The following ZNF404 variants were observed in gnomAD, a reference collection of about 807,000 sequenced individuals.
ZNF404 encodes the protein zinc finger protein 404.
Under a neutral mutation model 7.3 loss-of-function variants are expected in ZNF404, and 7 were observed. The observed-to-expected ratio is 0.95, with a 90% CI of 0.54 to 1.79. The LOEUF is 1.79. Among genes scored for constraint, ZNF404 ranks in the 40% most tolerant of loss-of-function variants. The pLI, the probability that ZNF404 is intolerant of heterozygous loss-of-function variation, is 0.00. For missense variants in ZNF404, 560 were observed against 661.5 expected (o/e 0.85, Z 1.68); for synonymous variants, 191 against 209.9 (o/e 0.91, Z 0.78).
rs550351585 is a variant in ZNF404, at chr19:43,883,464, C to T, written c.9+492G>A. ...TCCCTTAGCTAGATCCCTAATCTCT[C>T]TCTAGGTAAGTGATAATCCCATCTT... On this transcript the variant is annotated intron_variant, in intron 1 of 2. Transcript: ENST00000587539. Among the ~76,000 whole-genome samples, 5 of 152,288 alleles carry T rather than the reference C, an allele frequency of 3.3e-5. No individual in the cohort carries two copies. The South Asian group carries it at 1.0e-3, about 32-fold the overall frequency.
At position 43,872,773 on chromosome 19, in the gene ZNF404, C is replaced by G; in HGVS notation, c.1441G>C (p.Gly481Arg). 1 of 1,611,820 alleles carries G rather than the reference C, an allele frequency of 6.2e-7. No individual in the cohort carries two copies. The highest frequency in any genetic ancestry group is 2.2e-5 in the East Asian group (1 of 44,824). Reference protein sequence around the residue: ...ECKKAFRSISGLSQHKRIHTG... With the variant: ...ECKKAFRSISRLSQHKRIHTG... ...TGAATTCTCTTATGTTGAGAAAGAC[C>G]TGAGATAGAACGAAAGGCCTTCTTA... The change falls in exon 3 of 3, where the codon GGT becomes CGT. Residue 481 changes from glycine to arginine, a missense_variant. By Grantham distance (125) the Gly-to-Arg change is moderately radical (BLOSUM62 -2). Coordinates refer to ENST00000587539, the MANE Select transcript of ZNF404 (RefSeq NM_001033719.3). The surrounding 1 kb of genome is among the most constrained non-coding windows in gnomAD (Gnocchi z 4.4).
intron 1 of ZNF404, among the ~76,000 whole-genome samples, chr19:43,880,436 T>C (rs961167285): frequency 3.9e-5 from 6 of 152,150 alleles, no homozygotes; most frequent in African/African-American, 1.2e-4. Context: ...GCACAATACC[T>C]TCTACGTACC....
Position 43,872,581 on chromosome 19 carries a change from G to T in ZNF404, c.1633C>A (p.His545Asn). 1 of 1,606,496 alleles carries T rather than the reference G, an allele frequency of 6.2e-7. No individual in the cohort carries two copies. The highest frequency in any genetic ancestry group is 1.7e-5 in the Admixed American group (1 of 58,824). The change falls in exon 3 of 3, where the codon CAC becomes AAC. Residue 545 changes from histidine to asparagine, a missense_variant. Transcript: ENST00000587539. This position sits in a 1 kb window ranked among gnomAD's most constrained non-coding sequence, Gnocchi z 4.4. ...TACATTAAGAGTCTCTCACCATGGT[G>T]AAATCTTTGATGTTGACTAAGTTGA... ...CYQLSQHQRF[H>N]HGERLLM
intron 2 of ZNF404, among the ~76,000 whole-genome samples, chr19:43,876,703 C>T (rs868200258): frequency 9.2e-5 from 14 of 152,218 alleles, no homozygotes; most frequent in Middle Eastern, 3.4e-3. Context: ...AGAAAAATGA[C>T]GGACATCACC....
intron 1 of ZNF404, among the ~76,000 whole-genome samples, chr19:43,881,099 A>T (rs1029500786): frequency 6.6e-6 from 1 of 152,192 alleles, no homozygotes; most frequent in African/African-American, 2.4e-5. Flanking sequence ...CCAATGAATG[A>T]CATCTATAAA....
chr19:43,882,204 G>A (rs912591863), intron 1 of ZNF404, among the ~76,000 whole-genome samples: 9 of 152,144 alleles, frequency 5.9e-5, no homozygotes, highest in South Asian at 2.1e-4. Context: ...AGACCTACAC[G>A]TATCTAGACA....
intron 1 of ZNF404, among the ~76,000 whole-genome samples, chr19:43,883,208 A>G (rs1449842884): frequency 6.6e-6 from 1 of 152,214 alleles, no homozygotes; most frequent in East Asian, 1.9e-4. Flanking sequence ...AAAGAATTAT[A>G]CTAATATGGC....
At chr19:43,881,398 C>T (rs1971893752) in intron 1 of ZNF404, among the ~76,000 whole-genome samples, 1 of 152,014 alleles carries the variant, frequency 6.6e-6, no homozygotes, top group African/African-American at 2.4e-5. Flanking sequence ...AAGATACAAG[C>T]TCAATATGTT....
At chr19:43,879,138 T>G (rs1971874788) in intron 2 of ZNF404, among the ~76,000 whole-genome samples, 1 of 151,964 alleles carries the variant, frequency 6.6e-6, no homozygotes, top group Admixed American at 6.6e-5. Flanking sequence ...AGAAAACAGA[T>G]GAAAATTTAG....
At chr19:43,880,968 A>G (rs991912986) in intron 1 of ZNF404, among the ~76,000 whole-genome samples, 5 of 152,238 alleles carry the variant, frequency 3.3e-5, no homozygotes, top group African/African-American at 4.8e-5. Flanking sequence ...CACCATATTC[A>G]CAAACTACAA....
intron 1 of ZNF404, among the ~76,000 whole-genome samples, chr19:43,881,932 G>A (rs1971897690): frequency 7.2e-6 from 1 of 138,450 alleles, no homozygotes; most frequent in Admixed American, 7.8e-5. Flanking sequence ...ACTCCAGCCT[G>A]GGCAACAAGA....
rs767101610 is a variant in ZNF404, at chr19:43,873,503, A to G, written c.711T>C (p.His237=). 4.3e-6 allele frequency: 7 copies of G among 1,613,394 alleles called. No individual in the cohort carries two copies. Among genetic ancestry groups the G allele is most frequent in the Admixed American group, 3.3e-5 (2 of 59,968 alleles). Residue 237 remains histidine (H), a synonymous_variant, in exon 3 of 3, where the codon CAT becomes CAC. Transcript: ENST00000587539. ...TACATTCAAAGGGTTTCAAGCCAAC[A>G]TGAATTTTCTGATGTTCTGTAAGGT... ...HSHLTEHQKI[H]VGLKPFECKE...
Position 43,873,631 on chromosome 19 carries a change from C to A in ZNF404, c.583G>T (p.Ala195Ser), listed in dbSNP as rs751796267. The A allele has an allele frequency of 1.2e-6, 2 of 1,613,352 alleles. No individual in the cohort carries two copies. The highest frequency in any genetic ancestry group is 1.3e-5 in the African/African-American group (1 of 74,880). ...ATAAGCTGTGAATAAAACCTAAAGG[C>A]CTTCTCACATCCATTGCATTCATAG... ...KPYECNGCEK[A>S]FRFYSQLIQH... The change falls in exon 3 of 3, where the codon GCC becomes TCC. Residue 195 changes from alanine (A) to serine (S), a missense_variant. Ala to Ser is a moderately conservative substitution (Grantham distance 99). Coordinates refer to ENST00000587539, the MANE Select transcript of ZNF404 (RefSeq NM_001033719.3).
At position 43,873,554 on chromosome 19, in the gene ZNF404, G is replaced by A. The variant is rs79582952; in HGVS notation, c.660C>T (p.Cys220=). The A allele has an allele frequency of 3.7e-4, 597 of 1,613,238 alleles. 7 individuals are homozygous for A. In the African/African-American group the frequency reaches 6.8e-3, roughly 18 times the overall value. The change falls in exon 3 of 3, where the codon TGC becomes TGT. Residue 220 remains cysteine (C), a synonymous_variant. Transcript: ENST00000587539. ...GAGAATGACGTCTAAAAGCCTTCCC[G>A]CATTGCTTACATTCATAGGGTTTCA... The part of the protein sequence containing the change: ...TGMKPYECKQ[C]GKAFRRHSHL...
At chr19:43,877,597 T>G (rs895341645) in intron 2 of ZNF404, among the ~76,000 whole-genome samples, 3 of 151,850 alleles carry the variant, frequency 2.0e-5, no homozygotes, top group Non-Finnish European at 4.4e-5. Flanking sequence ...TTTTTTATTA[T>G]TATACTTTAA....
chr19:43,883,928 C>A (rs764917568), intron 1 of ZNF404, 28 bp downstream of exon 1: 13 of 1,597,802 alleles, frequency 8.1e-6, no homozygotes, highest in South Asian at 1.1e-5. Context: ...CACAATAAGT[C>A]AGAAAAGCAA....
rs771276342 is a variant in ZNF404 at position 43,873,363 on chromosome 19, G to A, written c.851C>T (p.Ser284Leu). The change falls in exon 3 of 3, where the codon TCA becomes TTA. Residue 284 changes from serine (S) to leucine (L), a missense_variant. Coordinates refer to ENST00000587539, the MANE Select transcript of ZNF404 (RefSeq NM_001033719.3). ...KECGKAFGHR[S>L]SLYQHKKIHS... is the part of the protein sequence containing the mutation. The stretch of plus-strand genomic sequence containing the variant: ...AATTTTCTTATGTTGGTAAAGACTT[G>A]AACGATGACCAAAAGCCTTTCCACA... The A allele has an allele frequency of 1.6e-5, 26 of 1,612,956 alleles. No individual in the cohort carries two copies. The highest frequency in any genetic ancestry group is 1.1e-5 in the Non-Finnish European group (13 of 1,179,442).
chr19:43,880,081 T>A lies in ZNF404; in HGVS notation c.65A>T (p.Tyr22Phe). Residue 22 changes from tyrosine to phenylalanine, a missense_variant, in exon 2 of 3, where the codon TAT (tyrosine) becomes TTT (phenylalanine). Tyr to Phe is a conservative substitution (Grantham distance 22, BLOSUM62 3). Coordinates refer to ENST00000587539, the MANE Select transcript of ZNF404 (RefSeq NM_001033719.3). ...CAAATCCCTCTGATCCGAGTTTAAA[T>A]ATTCCCACTCCTCCTGAGAGAAGTC... ...AIDFSQEEWE[Y>F]LNSDQRDLYR... 6.2e-7 allele frequency: 1 copy of A among 1,613,744 alleles called. No individual in the cohort carries two copies. Among genetic ancestry groups the A allele is most frequent in the Non-Finnish European group, 8.5e-7 (1 of 1,179,692 alleles).
Position 43,880,151 on chromosome 19 carries a change from C to A in ZNF404, c.10-15G>T. The A allele has an allele frequency of 6.3e-7, 1 of 1,594,788 alleles. No homozygotes were observed. The highest frequency in any genetic ancestry group is 8.5e-7 in the Non-Finnish European group (1 of 1,172,718). On this transcript the variant is annotated splice_polypyrimidine_tract_variant and intron_variant, in intron 1 of 2. Coordinates refer to ENST00000587539, the MANE Select transcript of ZNF404 (RefSeq NM_001033719.3). Reference sequence around the variant, plus strand: ...GTCAATGGCACCTGAAATGACAAACCTGTGTATTATTTGTAAAAGTAAAGA... The same window carrying A: ...GTCAATGGCACCTGAAATGACAAACATGTGTATTATTTGTAAAAGTAAAGA...
Sources: allele counts gnomAD v4.1 joint callset (sites outside exome capture counted in the v4.1 genomes callset), GRCh38; gene constraint gnomAD v4.1.1; non-coding constraint Gnocchi (gnomAD v3.1); transcripts MANE v1.5; gene names NCBI Gene and HGNC (gene_info 2026-07-23, HGNC 2026-07-21).